CTTNBP2: variants seen among roughly 807,000 people sequenced by gnomAD.
CTTNBP2 encodes the protein cortactin-binding protein 2.
In CTTNBP2, 108 loss-of-function variants were observed where a neutral mutation model predicts 156.9. The ratio of observed to expected loss-of-function variants is 0.69; its 90% CI spans 0.59 to 0.81. The LOEUF is 0.81. Ranked by LOEUF, CTTNBP2 falls within the 30% of genes least tolerant of loss-of-function variation. CTTNBP2 has a pLI of 0.00. For synonymous variants in CTTNBP2, 767 were observed against 751.8 expected, an observed-to-expected ratio of 1.02 and a Z score of -0.33; for missense variants, 1,924 against 2,035.4, an observed-to-expected ratio of 0.95 and a Z score of 1.05.
chr7:117,778,762 A>T (rs2116778251), intron 7 of CTTNBP2, among the ~76,000 whole-genome samples: 1 of 152,234 alleles, frequency 6.6e-6, no homozygotes, highest in Non-Finnish European at 1.5e-5. Flanking sequence ...CATCTTGTTT[A>T]GTTTTTTAAA....
intron 8 of CTTNBP2, among the ~76,000 whole-genome samples, chr7:117,772,661 C>A (rs999136146): frequency 6.6e-6 from 1 of 152,104 alleles, no homozygotes; most frequent in African/African-American, 2.4e-5. Flanking sequence ...CCCCTGGTTA[C>A]CAAGGAAAGC....
chr7:117,729,828 C>T (rs921099784), intron 16 of CTTNBP2, among the ~76,000 whole-genome samples: 13 of 152,032 alleles, frequency 8.6e-5, no homozygotes, highest in Non-Finnish European at 1.9e-4. Flanking sequence ...ACAGCGTGGT[C>T]AAGAAAGACA....
chr7:117,800,127 C>G lies in CTTNBP2; in HGVS notation c.415-7346G>C, dbSNP rs533220534. ...TGATCCCTGCAAACTTTTGGAGAAG[C>G]CAAATTGCCTTTAATTTTTTTTTTT... On this transcript the variant is annotated intron_variant, in intron 3 of 22. Transcript: ENST00000160373. Among the ~76,000 whole-genome samples the G allele has an allele frequency of 4.6e-5, 7 of 151,972 alleles. No individual in the cohort carries two copies. The South Asian group carries it at 1.2e-3, about 27-fold the overall frequency.
intron 9 of CTTNBP2, among the ~76,000 whole-genome samples, chr7:117,765,919 C>T (rs753197675): frequency 3.7e-4 from 56 of 152,250 alleles, no homozygotes; most frequent in Middle Eastern, 3.4e-3. Context: ...ACATCAATTG[C>T]GCTGTCTCAT....
At chr7:117,843,100 A>G (rs1802372045) in intron 2 of CTTNBP2, among the ~76,000 whole-genome samples, 1 of 152,212 alleles carries the variant, frequency 6.6e-6, no homozygotes, top group Non-Finnish European at 1.5e-5. Context: ...ACTTCTTGTA[A>G]TTATTCCCTA....
intron 2 of CTTNBP2, among the ~76,000 whole-genome samples, chr7:117,850,512 G>C (rs1802873498): frequency 6.7e-6 from 1 of 148,432 alleles, no homozygotes; most frequent in African/African-American, 2.4e-5. Flanking sequence ...CTGCATACAA[G>C]GAGAGATCAA....
intron 10 of CTTNBP2, among the ~76,000 whole-genome samples, chr7:117,759,337 CTT>C (rs905096755): frequency 6.6e-6 from 1 of 152,122 alleles, no homozygotes; most frequent in African/African-American, 2.4e-5. Flanking sequence ...GTCTTGAACT[CTT>C]GGGCTCAAGT....
At position 117,861,332 on chromosome 7, in the gene CTTNBP2, A is replaced by C; in HGVS notation, c.82-16T>G. The C allele has an allele frequency of 6.4e-7, 1 of 1,558,046 alleles. No homozygotes were observed. ...ACTCTTTTTTCTGTAACACATAAAA[A>C]AATAAGGCCATGAAAAATCTTTTCC... On this transcript the variant is annotated splice_polypyrimidine_tract_variant and intron_variant, in intron 1 of 22. Transcript: ENST00000160373.
At chr7:117,791,050 G>T (rs1351927386) in intron 4 of CTTNBP2, 78 bp downstream of exon 4, 10 of 1,215,110 alleles carry the variant, frequency 8.2e-6, no homozygotes, top group Non-Finnish European at 1.2e-5. Flanking sequence ...AAGTTTCAAG[G>T]CAATGTGAAG....
intron 3 of CTTNBP2, among the ~76,000 whole-genome samples, chr7:117,799,542 A>C (rs935875764): frequency 1.3e-5 from 2 of 152,038 alleles, no homozygotes; most frequent in Admixed American, 1.3e-4. Flanking sequence ...CACAGCTAAC[A>C]TTGTACTTAA....
chr7:117,727,978 G>T, intron 17 of CTTNBP2, 111 bp downstream of exon 17: 1 of 925,002 alleles, frequency 1.1e-6, no homozygotes, highest in Non-Finnish European at 1.7e-6. Context: ...GGCACTCCGT[G>T]TCAGTGACAG....
At chr7:117,870,240 G>GT (rs1804489326) in intron 1 of CTTNBP2, among the ~76,000 whole-genome samples, 1 of 152,162 alleles carries the variant, frequency 6.6e-6, no homozygotes, top group Non-Finnish European at 1.5e-5. Context: ...CATGATGCCT[G>GT]TATCTCAGTA....
In CTTNBP2 at chr7:117,832,718, T is replaced by C. The variant is rs1245009645; in HGVS notation, c.190-21729A>G. Reference sequence around the variant, plus strand: ...CAGCAAATGACTACCAATCAATCTATAGCCCTTCATTCATCAACCTTTTTT... The same window carrying C: ...CAGCAAATGACTACCAATCAATCTACAGCCCTTCATTCATCAACCTTTTTT... On this transcript the variant is annotated intron_variant, in intron 2 of 22. Coordinates refer to ENST00000160373, the MANE Select transcript of CTTNBP2 (RefSeq NM_033427.3). Among the ~76,000 whole-genome samples, 3 of 149,912 alleles carry C rather than the reference T, an allele frequency of 2.0e-5. No homozygotes were observed. The East Asian group carries it at 5.9e-4, about 29-fold the overall frequency.
intron 12 of CTTNBP2, among the ~76,000 whole-genome samples, chr7:117,751,315 G>A (rs1029280507): frequency 6.6e-6 from 1 of 152,190 alleles, no homozygotes; most frequent in African/African-American, 2.4e-5. Flanking sequence ...CATAGTGTGA[G>A]GAAAAGGAAC....
chr7:117,860,276 G>C (rs192610148), intron 2 of CTTNBP2, among the ~76,000 whole-genome samples: 3 of 151,838 alleles, frequency 2.0e-5, no homozygotes, highest in Non-Finnish European at 2.9e-5. Context: ...CAAAATAAAC[G>C]CAAGATCCAG....
intron 2 of CTTNBP2, among the ~76,000 whole-genome samples, chr7:117,812,656 T>G (rs531551087): frequency 6.6e-6 from 1 of 152,336 alleles, no homozygotes; most frequent in Admixed American, 6.5e-5. Flanking sequence ...GTTTCTAGAT[T>G]CTTTAAATTC....
At chr7:117,737,267 AAAC>A (rs1465805314) in intron 14 of CTTNBP2, among the ~76,000 whole-genome samples, 3 of 152,204 alleles carry the variant, frequency 2.0e-5, no homozygotes, top group Admixed American at 6.5e-5. Flanking sequence ...TAGTTGGTGA[AAAC>A]AACAATGGAA....
At chr7:117,768,945 G>T (rs367592995) in intron 8 of CTTNBP2, among the ~76,000 whole-genome samples, 144 of 152,140 alleles carry the variant, frequency 9.5e-4, no homozygotes, top group African/African-American at 3.3e-3. Flanking sequence ...TTCCATTATG[G>T]TATACCACAA....
intron 4 of CTTNBP2, among the ~76,000 whole-genome samples, chr7:117,789,235 C>G (rs1378821163): frequency 2.6e-5 from 4 of 152,100 alleles, no homozygotes; most frequent in Non-Finnish European, 4.4e-5. Flanking sequence ...CTGCCGAAAC[C>G]AAAGGGCACA....
Sources: allele counts gnomAD v4.1 joint callset (sites outside exome capture counted in the v4.1 genomes callset), GRCh38; gene constraint gnomAD v4.1.1; transcripts MANE v1.5; gene names NCBI Gene and HGNC (gene_info 2026-07-23, HGNC 2026-07-21).